The following GNB1L variants were observed in gnomAD, a reference collection of about 807,000 sequenced individuals.
GNB1L encodes the protein G protein subunit beta 1 like.
GNB1L carries 20 observed loss-of-function variants against 29.1 expected under a neutral mutation model. That is an observed-to-expected ratio of 0.69 (90% confidence interval 0.48 to 1.00). GNB1L has a LOEUF of 1.00. GNB1L is among the 50% of genes least tolerant of loss of function. The pLI, the probability that GNB1L is intolerant of heterozygous loss-of-function variation, is 0.00. For synonymous variants in GNB1L, 193 were observed against 206.5 expected (o/e 0.93, Z 0.56); for missense variants, 421 against 464.9 (o/e 0.91, Z 0.87).
intron 2 of GNB1L, chr22:19,850,543 T>C: frequency 9.1e-7 from 1 of 1,094,552 alleles, no homozygotes; most frequent in Non-Finnish European, 1.1e-6. Context: ...CCTTCCTGCA[T>C]CCAAACCTTC....
chr22:19,850,578 C>A, intron 2 of GNB1L: 1 of 1,160,496 alleles, frequency 8.6e-7, no homozygotes, highest in Non-Finnish European at 1.1e-6. Context: ...TGCTGGTAAT[C>A]CCACAGGAAA....
rs777062618 is a variant in GNB1L, at chr22:19,851,701, C to T, written c.-21+2742G>A. On this transcript the variant is annotated intron_variant, in intron 2 of 7. Transcript: ENST00000329517. ...GGGGACAGGTAACCACAGCATGGTA[C>T]TCAGCAAAACTGTTCGGGTCTTGAA... is the stretch of plus-strand genomic sequence containing the variant. The T allele has an allele frequency of 2.1e-5, 34 of 1,600,370 alleles. 1 individual carries two copies. The Middle Eastern group carries it at 5.0e-4, about 23-fold the overall frequency.
chr22:19,822,475 G>A (rs1937587492), intron 2 of GNB1L, among the ~76,000 whole-genome samples: 1 of 152,230 alleles, frequency 6.6e-6, no homozygotes, highest in African/African-American at 2.4e-5. Context: ...TCTGTGGGGT[G>A]GCCCTGGAGC....
chr22:19,844,863 C>T (rs10427889), intron 2 of GNB1L, among the ~76,000 whole-genome samples: 38,354 of 152,178 alleles, frequency 0.25, 7,505 homozygotes, highest in African/African-American at 0.55. Context: ...AGCGTGACAT[C>T]CCCGTGCACC....
chr22:19,824,389 G>T (rs1005444974), intron 2 of GNB1L, among the ~76,000 whole-genome samples: 1 of 152,216 alleles, frequency 6.6e-6, no homozygotes, highest in African/African-American at 2.4e-5. Context: ...GGTGGCCCCG[G>T]CCCAGCCCCG....
In GNB1L at chr22:19,784,850, C is replaced by G. The variant is rs963071792; in HGVS notation, c.*3859G>C. The stretch of plus-strand genomic sequence containing the variant: ...GCTGGGGATGCTGGAGCATACGGCT[C>G]CAGCCACTCAGGATCCCACTCTGGG... On this transcript the variant is annotated 3_prime_UTR_variant, in exon 8 of 8. Transcript: ENST00000329517. The G allele has an allele frequency of 9.2e-5, 14 of 152,262 alleles. No homozygotes were observed. The highest frequency in any genetic ancestry group is 1.6e-4 in the Non-Finnish European group (11 of 68,074). The allele number at this position is 152,262 out of a possible 1,614,324, so 9.4% of individuals were successfully genotyped here.
rs140163331 is a variant in GNB1L at position 19,838,656 on chromosome 22, T to C, written c.-21+15787A>G. Among the ~76,000 whole-genome samples, 237 of 152,154 alleles carry C rather than the reference T, an allele frequency of 1.6e-3. 2 individuals carry two copies. The highest frequency in any genetic ancestry group is 5.5e-3 in the African/African-American group (228 of 41,540). ...GGCTAATTTTTGTAGAGACAGGGTT[T>C]CACCATGTTGGCCAGGATGGTCTTG... On this transcript the variant is annotated intron_variant, in intron 2 of 7. Coordinates refer to ENST00000329517, the MANE Select transcript of GNB1L (RefSeq NM_053004.3).
intron 2 of GNB1L, among the ~76,000 whole-genome samples, chr22:19,823,902 C>T (rs913052238): frequency 6.6e-6 from 1 of 152,212 alleles, no homozygotes; most frequent in African/African-American, 2.4e-5. Flanking sequence ...CGTATGTGCA[C>T]ACACAGCACA....
At chr22:19,837,771 C>T (rs1266710561) in intron 2 of GNB1L, among the ~76,000 whole-genome samples, 1 of 152,184 alleles carries the variant, frequency 6.6e-6, no homozygotes, top group African/African-American at 2.4e-5. Flanking sequence ...TGGATATATC[C>T]ATCCTTGACA....
intron 4 of GNB1L, among the ~76,000 whole-genome samples, chr22:19,820,142 G>A (rs1937566587): frequency 6.6e-6 from 1 of 152,144 alleles, no homozygotes; most frequent in Non-Finnish European, 1.5e-5. Context: ...AGGCAGGATG[G>A]GCAGTGGGCA....
chr22:19,832,462 T>C (rs1937696401), intron 2 of GNB1L, among the ~76,000 whole-genome samples: 2 of 152,150 alleles, frequency 1.3e-5, no homozygotes, highest in African/African-American at 4.8e-5. Flanking sequence ...GTTATTCGTA[T>C]GTGTGTTTTG....
chr22:19,817,422 A>C (rs959164853), intron 4 of GNB1L, among the ~76,000 whole-genome samples: 1 of 151,984 alleles, frequency 6.6e-6, no homozygotes. Context: ...CGGAGGTTGC[A>C]GTGAGCCAAG....
rs958216924 is a variant in GNB1L at position 19,816,544 on chromosome 22, A to T, written c.254+4054T>A. On this transcript the variant is annotated intron_variant, in intron 4 of 7. Transcript: ENST00000329517. This position sits in a 1 kb window ranked among gnomAD's most constrained non-coding sequence, Gnocchi z 4.4. ...CCTGCTCACTGCCAGAGTGTGCCCCAGCCACCAGGCCCCTCCGCACACGGG... is the reference window on the plus strand; with the variant it reads ...CCTGCTCACTGCCAGAGTGTGCCCCTGCCACCAGGCCCCTCCGCACACGGG... Among the ~76,000 whole-genome samples the T allele has an allele frequency of 2.6e-5, 4 of 152,138 alleles. No individual in the cohort carries two copies. The highest frequency in any genetic ancestry group is 9.7e-5 in the African/African-American group (4 of 41,422).
intron 2 of GNB1L, among the ~76,000 whole-genome samples, chr22:19,823,696 C>T (rs965678867): frequency 4.6e-5 from 7 of 152,174 alleles, no homozygotes; most frequent in Non-Finnish European, 7.3e-5. Context: ...ATTAGACACA[C>T]GCTATGCTCA....
At chr22:19,811,413 G>A (rs575814988) in intron 5 of GNB1L, among the ~76,000 whole-genome samples, 127 of 152,102 alleles carry the variant, frequency 8.3e-4, no homozygotes, top group African/African-American at 2.8e-3. Context: ...CCCCGCCCTC[G>A]GGCCACCATG....
chr22:19,851,101 TG>T, intron 2 of GNB1L: 1 of 1,500,924 alleles, frequency 6.7e-7, no homozygotes, highest in African/African-American at 1.4e-5. Context: ...CTGGGGACTA[TG>T]GGGCGCTCAA....
intron 2 of GNB1L, among the ~76,000 whole-genome samples, chr22:19,853,753 G>A (rs1938168602): frequency 6.6e-6 from 1 of 151,886 alleles, no homozygotes; most frequent in Non-Finnish European, 1.5e-5. Flanking sequence ...CCCAGCCCAT[G>A]ACCCTGGCTT....
intron 7 of GNB1L, chr22:19,793,096 T>C: frequency 6.8e-7 from 1 of 1,465,190 alleles, no homozygotes; most frequent in Non-Finnish European, 9.4e-7. Context: ...CTGGGTTAAA[T>C]GTACACTGTT....
In GNB1L at chr22:19,801,891, A is replaced by C. The variant is rs1304783269; in HGVS notation, c.732+110T>G. On this transcript the variant is annotated intron_variant, in intron 7 of 7. Coordinates refer to ENST00000329517, the MANE Select transcript of GNB1L (RefSeq NM_053004.3). ...CCCCTGCACCCGCCTCCAAGTGATT[A>C]ATTAGCCAGGGATCTGCAACAACTC... 4.2e-6 allele frequency: 4 copies of C among 941,482 alleles called. No homozygotes were observed. In the Admixed American group the frequency reaches 7.4e-5, roughly 17 times the overall value. The allele number at this position is 941,482 out of a possible 1,614,324, so 58.3% of individuals were successfully genotyped here.
Sources: gnomAD v4.1 joint callset for allele counts (sites outside exome capture counted in the v4.1 genomes callset) on GRCh38, gnomAD v4.1.1 for gene constraint, Gnocchi (gnomAD v3.1) non-coding constraint, MANE v1.5 for transcripts, NCBI Gene and HGNC (gene_info 2026-07-23, HGNC 2026-07-21) for gene names.